Variants in GRID2 observed in about 807,000 individuals in gnomAD.
GRID2 encodes the protein glutamate ionotropic receptor delta type subunit 2.
Under a neutral mutation model 114.8 loss-of-function variants are expected in GRID2, and 33 were observed. That is an observed-to-expected ratio of 0.29 (90% CI 0.22 to 0.38). The LOEUF is 0.38. GRID2 is among the 10% of genes least tolerant of loss of function. The pLI is 1.00. For missense variants in GRID2, 1,184 were observed against 1,257.7 expected (o/e 0.94, Z 0.89); for synonymous variants, 505 against 449.9 (o/e 1.12, Z -1.55).
At chr4:93,794,051 T>C (rs1734748667) in intron 1 of GRID2, among the ~76,000 whole-genome samples, 1 of 152,122 alleles carries the variant, frequency 6.6e-6, no homozygotes, top group Admixed American at 6.5e-5. Context: ...ATGATTTACC[T>C]GATTACTGAC....
intron 10 of GRID2, among the ~76,000 whole-genome samples, chr4:93,450,463 A>G (rs1203785031): frequency 6.6e-6 from 1 of 151,924 alleles, no homozygotes; most frequent in Non-Finnish European, 1.5e-5. Context: ...CATACTATTA[A>G]TCTTACCAAT....
At chr4:92,736,499 C>T (rs948650141) in intron 2 of GRID2, among the ~76,000 whole-genome samples, 5 of 152,012 alleles carry the variant, frequency 3.3e-5, no homozygotes, top group East Asian at 1.9e-4. Flanking sequence ...AGCAGCAATT[C>T]CCAAAAGGAT....
chr4:93,486,029 T>C (rs1726368500), intron 11 of GRID2, among the ~76,000 whole-genome samples: 2 of 151,728 alleles, frequency 1.3e-5, no homozygotes, highest in Admixed American at 1.3e-4. Flanking sequence ...TCTTCCTTTA[T>C]TTTACTCAAA....
chr4:93,149,579 A>AAC (rs1395927667), intron 4 of GRID2, among the ~76,000 whole-genome samples: 1 of 151,798 alleles, frequency 6.6e-6, no homozygotes, highest in Non-Finnish European at 1.5e-5. Flanking sequence ...CCATCAAAAA[A>AAC]AAAAAACAAA....
At chr4:93,373,063 C>A (rs556983486) in intron 8 of GRID2, among the ~76,000 whole-genome samples, 1 of 152,092 alleles carries the variant, frequency 6.6e-6, no homozygotes, top group Non-Finnish European at 1.5e-5. Flanking sequence ...AAGTCTTCAA[C>A]CCATCTCCTA....
chr4:92,449,710 T>TATATATATATA (rs1266661271), intron 1 of GRID2, among the ~76,000 whole-genome samples: 2 of 131,718 alleles, frequency 1.5e-5, no homozygotes, highest in African/African-American at 5.8e-5. Context: ...TATATATATA[T>TATATATATATA]AACACTTAAG....
At chr4:93,490,099 G>A (rs1726835176) in intron 11 of GRID2, among the ~76,000 whole-genome samples, 1 of 151,884 alleles carries the variant, frequency 6.6e-6, no homozygotes, top group South Asian at 2.1e-4. Context: ...AGAGGATTCT[G>A]CAACAAGATT....
At chr4:92,904,750 G>C (rs1560686086) in intron 2 of GRID2, among the ~76,000 whole-genome samples, 1 of 151,982 alleles carries the variant, frequency 6.6e-6, no homozygotes, top group Non-Finnish European at 1.5e-5. Flanking sequence ...GGGGAGCAAT[G>C]ACAATGGATG....
chr4:93,604,870 G>T (rs1430953873), intron 13 of GRID2, among the ~76,000 whole-genome samples: 2 of 152,154 alleles, frequency 1.3e-5, no homozygotes, highest in Non-Finnish European at 2.9e-5. Context: ...TAAACATGAT[G>T]CCATTGCACA....
chr4:92,661,937 A>G (rs952391777), intron 2 of GRID2, among the ~76,000 whole-genome samples: 8 of 151,204 alleles, frequency 5.3e-5, no homozygotes, highest in Non-Finnish European at 1.0e-4. Context: ...GCTAGTTACT[A>G]TGGCATCATA....
intron 4 of GRID2, among the ~76,000 whole-genome samples, chr4:93,127,983 T>C (rs1734428076): frequency 7.9e-6 from 1 of 125,886 alleles, no homozygotes; most frequent in Non-Finnish European, 1.6e-5. Context: ...ATTGAGCCAC[T>C]GCACTCCAGC....
At chr4:92,448,625 C>A (rs748670791) in intron 1 of GRID2, among the ~76,000 whole-genome samples, 1 of 151,924 alleles carries the variant, frequency 6.6e-6, no homozygotes, top group African/African-American at 2.4e-5. Flanking sequence ...ATGGAAGAGA[C>A]ATTTTTTACT....
chr4:93,681,366 G>C (rs75061355), intron 14 of GRID2, among the ~76,000 whole-genome samples: 5 of 148,358 alleles, frequency 3.4e-5, no homozygotes, highest in Non-Finnish European at 7.5e-5. Context: ...AAGTAATTTA[G>C]AGATTCAATG....
chr4:92,884,772 C>T (rs944150522), intron 2 of GRID2: 2 of 304,252 alleles, frequency 6.6e-6, no homozygotes, highest in Non-Finnish European at 1.3e-5. Flanking sequence ...AGTGGAAGCT[C>T]TTCTCAATTA....
chr4:93,536,610 G>C (rs1226050037), intron 13 of GRID2, among the ~76,000 whole-genome samples: 2 of 150,422 alleles, frequency 1.3e-5, no homozygotes, highest in Non-Finnish European at 3.0e-5. Context: ...GAAGAGCCAT[G>C]CCATTGGTCT....
chr4:92,990,440 G>C (rs922784994), intron 2 of GRID2, among the ~76,000 whole-genome samples: 4 of 151,548 alleles, frequency 2.6e-5, no homozygotes, highest in African/African-American at 7.3e-5. Flanking sequence ...CTCCTGAGTA[G>C]CTGGGATTAC....
chr4:92,327,366 TTGTGTGTGTG>T (rs33960256), intron 1 of GRID2, among the ~76,000 whole-genome samples: 135 of 150,074 alleles, frequency 9.0e-4, no homozygotes, highest in African/African-American at 3.0e-3. Flanking sequence ...ATCCTAGATT[TTGTGTGTGTG>T]TGTGTGTGTG....
At chr4:93,399,301 A>T (rs1765659472) in intron 9 of GRID2, among the ~76,000 whole-genome samples, 1 of 152,084 alleles carries the variant, frequency 6.6e-6, no homozygotes, top group Non-Finnish European at 1.5e-5. Flanking sequence ...CAATTACACC[A>T]GGTTAATAAA....
At chr4:92,655,005 A>T (rs896413696) in intron 2 of GRID2, among the ~76,000 whole-genome samples, 5 of 151,882 alleles carry the variant, frequency 3.3e-5, no homozygotes, top group Non-Finnish European at 5.9e-5. Flanking sequence ...ACGGTTTCTT[A>T]TAGTAATTTT....
Sources: allele counts gnomAD v4.1 joint callset (sites outside exome capture counted in the v4.1 genomes callset), GRCh38; gene constraint gnomAD v4.1.1; transcripts MANE v1.5; gene names NCBI Gene and HGNC (gene_info 2026-07-23, HGNC 2026-07-21).